Variants in BICDL1 observed in about 807,000 individuals in gnomAD.
BICDL1 encodes BICD family like cargo adaptor 1, also known as BICD family-like cargo adapter 1.
A neutral mutation model predicts 76.8 loss-of-function variants in BICDL1; 20 were observed. The ratio of observed to expected loss-of-function variants is 0.26; its 90% CI spans 0.18 to 0.38. The LOEUF is 0.38. Ranked by LOEUF, BICDL1 falls within the 10% of genes least tolerant of loss-of-function variation. The pLI is 1.00. For missense variants in BICDL1, 700 were observed against 798.6 expected (o/e 0.88, Z 1.49); for synonymous variants, 383 against 337.1 (o/e 1.14, Z -1.49).
At chr12:120,092,370 G>A (rs1875046154) in intron 9 of BICDL1, 1 of 985,490 alleles carries the variant, frequency 1.0e-6, no homozygotes. Context: ...TTTGGTGCAG[G>A]ACAGCCCCTG....
At chr12:120,047,056 C>T (rs1369482278) in intron 2 of BICDL1, among the ~76,000 whole-genome samples, 2 of 151,972 alleles carry the variant, frequency 1.3e-5, no homozygotes, top group East Asian at 1.9e-4. Context: ...TGATAGTTAC[C>T]GAAAGGATAA....
intron 2 of BICDL1, among the ~76,000 whole-genome samples, chr12:120,054,005 T>C (rs1952919288): frequency 1.3e-5 from 2 of 151,502 alleles, no homozygotes; most frequent in African/African-American, 4.9e-5. Context: ...AAACCCTGTC[T>C]CTACTAAAAA....
At chr12:120,007,232 G>A (rs899818059) in intron 2 of BICDL1, among the ~76,000 whole-genome samples, 3 of 152,198 alleles carry the variant, frequency 2.0e-5, no homozygotes, top group Non-Finnish European at 4.4e-5. Flanking sequence ...AGACTGTGTG[G>A]ATAATTAAGG....
At chr12:119,994,337 C>T (rs1245701621) in intron 1 of BICDL1, among the ~76,000 whole-genome samples, 1 of 151,094 alleles carries the variant, frequency 6.6e-6, no homozygotes, top group African/African-American at 2.4e-5. Flanking sequence ...TTTTAAAGAA[C>T]AGTACTTTTT....
intron 2 of BICDL1, among the ~76,000 whole-genome samples, chr12:120,023,151 C>T (rs1277326492): frequency 4.6e-5 from 7 of 152,104 alleles, no homozygotes; most frequent in Non-Finnish European, 1.0e-4. Flanking sequence ...TGGGCCACAT[C>T]AAAAGAAGAA....
chr12:120,017,120 TCTC>T (rs1370495010), intron 2 of BICDL1, among the ~76,000 whole-genome samples: 1 of 152,148 alleles, frequency 6.6e-6, no homozygotes, highest in Admixed American at 6.5e-5. Flanking sequence ...ATGGTCTAGA[TCTC>T]CTGACCTTGT....
At chr12:120,016,666 C>T (rs116708614) in intron 2 of BICDL1, among the ~76,000 whole-genome samples, 3,516 of 151,970 alleles carry the variant, frequency 0.023, 144 homozygotes, top group African/African-American at 0.081. Flanking sequence ...GCAGTTTGTC[C>T]ATCTTAGCCT....
At chr12:120,019,533 A>G (rs1952136899) in intron 2 of BICDL1, among the ~76,000 whole-genome samples, 1 of 152,148 alleles carries the variant, frequency 6.6e-6, no homozygotes, top group Non-Finnish European at 1.5e-5. Flanking sequence ...AATTTTGCTG[A>G]TTTCATAGGT....
At chr12:120,045,391 C>G (rs1337378970) in intron 2 of BICDL1, among the ~76,000 whole-genome samples, 1 of 151,658 alleles carries the variant, frequency 6.6e-6, no homozygotes, top group Non-Finnish European at 1.5e-5. Flanking sequence ...ACTAGAAATA[C>G]CATTTGACCC....
At chr12:120,030,590 A>T (rs1313639020) in intron 2 of BICDL1, among the ~76,000 whole-genome samples, 1 of 152,178 alleles carries the variant, frequency 6.6e-6, no homozygotes, top group Non-Finnish European at 1.5e-5. Flanking sequence ...CTCAAACTAA[A>T]TGACTTGCCC....
At position 120,084,303 on chromosome 12, in the gene BICDL1, A is replaced by T. The variant is rs372387093; in HGVS notation, c.1583+3286A>T. ...AGGCATGAGCCACCACACCCGGCCA[A>T]CACTTTTATTCTTTAATCCTCCCAG... On this transcript the variant is annotated intron_variant, in intron 8 of 9. Coordinates refer to ENST00000548673, the MANE Select transcript of BICDL1 (RefSeq NM_001367886.1). 2.1e-4 allele frequency among the ~76,000 whole-genome samples: 32 copies of T among 152,212 alleles called. No homozygotes were observed. The East Asian group carries it at 5.2e-3, about 25-fold the overall frequency.
intron 2 of BICDL1, among the ~76,000 whole-genome samples, chr12:120,022,819 A>G (rs1952211041): frequency 6.6e-6 from 1 of 152,196 alleles, no homozygotes; most frequent in Admixed American, 6.5e-5. Flanking sequence ...AGCAGAGCCC[A>G]GTGAACTCTG....
chr12:120,024,436 T>G (rs1952247266), intron 2 of BICDL1, among the ~76,000 whole-genome samples: 1 of 152,112 alleles, frequency 6.6e-6, no homozygotes, highest in Non-Finnish European at 1.5e-5. Flanking sequence ...TGATAGAAAT[T>G]ATCCACAATG....
chr12:120,042,643 A>G (rs1263039286), intron 2 of BICDL1, among the ~76,000 whole-genome samples: 3 of 152,088 alleles, frequency 2.0e-5, no homozygotes, highest in Non-Finnish European at 4.4e-5. Flanking sequence ...TGTCTCTACT[A>G]AAAATACAAA....
intron 1 of BICDL1, among the ~76,000 whole-genome samples, chr12:119,991,665 A>G (rs915479676): frequency 6.6e-6 from 1 of 152,184 alleles, no homozygotes; most frequent in Admixed American, 6.6e-5. Flanking sequence ...AAGAAGTACA[A>G]CTACAGAGAT....
At chr12:120,090,909 A>G in intron 9 of BICDL1, 1 of 1,287,776 alleles carries the variant, frequency 7.8e-7, no homozygotes, top group Non-Finnish European at 1.0e-6. Flanking sequence ...TCCCGGCTAC[A>G]GTTTGCTTCC....
At position 119,989,599 on chromosome 12, in the gene BICDL1, CCCACCACCTACTCCG is replaced by C. The variant is rs1951468364; in HGVS notation, c.-265_-251del. ...TCCTCCCTTCCCCAGCCTTCCCGTT[CCCACCACCTACTCCG>C]CCACTACCCCCACCCCCTCCTCCCG... On this transcript the variant is annotated 5_prime_UTR_variant, in exon 1 of 10. Coordinates refer to ENST00000548673, the MANE Select transcript of BICDL1 (RefSeq NM_001367886.1). 6.7e-6 allele frequency among the ~76,000 whole-genome samples: 1 copy of C among 150,322 alleles called. No individual in the cohort carries two copies. The highest frequency in any genetic ancestry group is 6.6e-5 in the Admixed American group (1 of 15,146).
At chr12:120,058,508 T>TCAA (rs1452209060) in intron 2 of BICDL1, among the ~76,000 whole-genome samples, 1 of 152,150 alleles carries the variant, frequency 6.6e-6, no homozygotes, top group East Asian at 1.9e-4. Context: ...ATCTCAACAG[T>TCAA]CAACTGAATT....
intron 2 of BICDL1, among the ~76,000 whole-genome samples, chr12:120,016,120 C>T (rs1352318764): frequency 6.6e-6 from 1 of 152,150 alleles, no homozygotes; most frequent in African/African-American, 2.4e-5. Context: ...ATTGATTTTC[C>T]TTTTCTGGAT....
Sources: allele counts gnomAD v4.1 joint callset (sites outside exome capture counted in the v4.1 genomes callset), GRCh38; gene constraint gnomAD v4.1.1; transcripts MANE v1.5; gene names NCBI Gene and HGNC (gene_info 2026-07-23, HGNC 2026-07-21).